PPME1: variants seen among roughly 807,000 people sequenced by gnomAD.
The protein encoded by PPME1 is testicular secretory protein Li 39.
A neutral mutation model predicts 56.9 loss-of-function variants in PPME1; 17 were observed. The ratio of observed to expected loss-of-function variants is 0.30; its 90% confidence interval spans 0.20 to 0.45. The LOEUF (loss-of-function observed/expected upper bound fraction) is 0.45. PPME1 is among the 20% of genes least tolerant of loss of function. The pLI, the probability that PPME1 is intolerant of heterozygous loss-of-function variation, is 1.00. For missense variants in PPME1, 357 were observed against 483.2 expected, an observed-to-expected ratio of 0.74 and a Z score of 2.45; for synonymous variants, 122 against 156.2, an observed-to-expected ratio of 0.78 and a Z score of 1.63.
At chr11:74,192,815 C>T (rs540982011) in intron 1 of PPME1, among the ~76,000 whole-genome samples, 2 of 152,300 alleles carry the variant, frequency 1.3e-5, no homozygotes, top group Admixed American at 6.5e-5. Context: ...TGATTATAAG[C>T]TTCCTGTGGC....
At chr11:74,231,364 A>G (rs1321609188) in intron 7 of PPME1, among the ~76,000 whole-genome samples, 2 of 152,180 alleles carry the variant, frequency 1.3e-5, no homozygotes, top group Admixed American at 6.5e-5. Flanking sequence ...TAGCCTCCCA[A>G]AGTGTTGGGG....
chr11:74,216,740 C>T (rs536438885), intron 3 of PPME1, among the ~76,000 whole-genome samples: 1 of 151,656 alleles, frequency 6.6e-6, no homozygotes, highest in East Asian at 1.9e-4. Context: ...TTTAGCTAGA[C>T]TAAGAAAAAA....
chr11:74,254,155 G>A lies in PPME1; in HGVS notation c.*645G>A, dbSNP rs1316279799. On this transcript the variant is annotated 3_prime_UTR_variant, in exon 14 of 14. Transcript: ENST00000328257. ...GGCCTCCCATCTGGGAGAGCCCACT[G>A]TCCCACTCCCACATGTCTGGGCACC... 6.5e-6 allele frequency: 1 copy of A among 153,412 alleles called. No homozygotes were observed. Among genetic ancestry groups the A allele is most frequent in the East Asian group, 1.9e-4 (1 of 5,198 alleles). 9.5% of individuals were successfully genotyped at this position (153,412 alleles called of 1,614,324 possible). A position where few individuals can be genotyped will look rare whatever the true frequency, so the allele number is the denominator to read the frequency against.
chr11:74,245,893 T>C (rs1714615709), intron 9 of PPME1, 183 bp from the exon 10 acceptor site: 2 of 509,242 alleles, frequency 3.9e-6, no homozygotes, highest in Non-Finnish European at 6.5e-6. Flanking sequence ...AAAATGAATA[T>C]TAACAGTGAC....
rs918505553 is a variant in PPME1, at chr11:74,254,371, C to T, written c.*861C>T. 1 of 152,824 alleles carries T rather than the reference C, an allele frequency of 6.5e-6. No individual in the cohort carries two copies. Among genetic ancestry groups the T allele is most frequent in the Non-Finnish European group, 1.5e-5 (1 of 68,116 alleles). 9.5% of individuals were successfully genotyped at this position (152,824 alleles called of 1,614,324 possible). On this transcript the variant is annotated 3_prime_UTR_variant, in exon 14 of 14. Coordinates refer to ENST00000328257, the MANE Select transcript of PPME1 (RefSeq NM_016147.3). ...GCAGTGCCCCCTTGCCTCTTCAAAC[C>T]TACAGCTTCTCTTTGCCATTTGTGG...
Position 74,235,895 on chromosome 11 carries a change from T to C in PPME1, c.645-6T>C, listed in dbSNP as rs1471821777. On this transcript the variant is annotated splice_region_variant and splice_polypyrimidine_tract_variant and intron_variant, in intron 7 of 13. Transcript: ENST00000328257. Reference sequence around the variant, plus strand: ...ACCTTCTCTCTTCCTTTCTTTTCTTTCCCAGTGTGAAGAGTGGCCAGATTC... The same window carrying C: ...ACCTTCTCTCTTCCTTTCTTTTCTTCCCCAGTGTGAAGAGTGGCCAGATTC... The C allele has an allele frequency of 3.1e-6, 5 of 1,609,550 alleles. No individual in the cohort carries two copies. The Admixed American group carries it at 6.7e-5, about 22-fold the overall frequency.
In PPME1 at chr11:74,175,858, C is replaced by A. The variant is rs114510970; in HGVS notation, c.101+4336C>A. Among the ~76,000 whole-genome samples, 779 of 152,272 alleles carry A rather than the reference C, an allele frequency of 5.1e-3. 5 individuals carry two copies. The highest frequency in any genetic ancestry group is 0.018 in the African/African-American group (745 of 41,554). ...ATTGACTTGCCTAAGATCACAGAAT[C>A]ATTATGTGGCAGGAACAACATTCAA... On this transcript the variant is annotated intron_variant, in intron 1 of 13. Coordinates refer to ENST00000328257, the MANE Select transcript of PPME1 (RefSeq NM_016147.3).
intron 3 of PPME1, among the ~76,000 whole-genome samples, chr11:74,204,678 A>G (rs572958684): frequency 6.6e-6 from 1 of 152,166 alleles, no homozygotes; most frequent in Non-Finnish European, 1.5e-5. Flanking sequence ...GTTAATTGGC[A>G]CTAGTAAAGG....
intron 1 of PPME1, among the ~76,000 whole-genome samples, chr11:74,182,520 T>C (rs1213558024): frequency 6.8e-6 from 1 of 146,396 alleles, no homozygotes; most frequent in Non-Finnish European, 1.6e-5. Flanking sequence ...CCACCACGCC[T>C]GGCTAATTTT....
chr11:74,213,279 CTT>C (rs1858529702), intron 3 of PPME1, among the ~76,000 whole-genome samples: 1 of 152,142 alleles, frequency 6.6e-6, no homozygotes, highest in South Asian at 2.1e-4. Context: ...GTAGGAAGGA[CTT>C]TGTCTTGTGA....
chr11:74,252,494 C>T, intron 13 of PPME1: 1 of 456,750 alleles, frequency 2.2e-6, no homozygotes, highest in Non-Finnish European at 4.4e-6. Flanking sequence ...GCTTGCTTCC[C>T]CTCCCTTTCC....
intron 1 of PPME1, among the ~76,000 whole-genome samples, chr11:74,194,589 A>G (rs567568400): frequency 3.7e-4 from 56 of 151,336 alleles, no homozygotes; most frequent in African/African-American, 1.3e-3. Context: ...ATAATTATAC[A>G]CTATGATTGT....
chr11:74,203,080 T>C (rs1289734723), intron 1 of PPME1, among the ~76,000 whole-genome samples: 1 of 152,314 alleles, frequency 6.6e-6, no homozygotes, highest in East Asian at 1.9e-4. Flanking sequence ...GGTCCCCTAT[T>C]GATGGATATT....
At chr11:74,238,854 A>G (rs1264126947) in intron 8 of PPME1, 12 of 252,894 alleles carry the variant, frequency 4.7e-5, no homozygotes. Flanking sequence ...TATGAAGATT[A>G]TATAAGATTA....
intron 4 of PPME1, among the ~76,000 whole-genome samples, chr11:74,224,732 T>G (rs1366652252): frequency 1.3e-5 from 2 of 150,430 alleles, no homozygotes; most frequent in Non-Finnish European, 2.9e-5. Context: ...CACTCATGAT[T>G]TGGTTCTCTG....
chr11:74,238,205 T>C (rs925341616), intron 8 of PPME1: 1 of 151,968 alleles, frequency 6.6e-6, no homozygotes, highest in Admixed American at 6.6e-5. Flanking sequence ...TACTGTATAC[T>C]ACATGTGAAA....
chr11:74,215,466 T>G (rs1858613215), intron 3 of PPME1, among the ~76,000 whole-genome samples: 1 of 152,170 alleles, frequency 6.6e-6, no homozygotes, highest in Non-Finnish European at 1.5e-5. Flanking sequence ...TTGTCACCAC[T>G]TTACAATAAT....
chr11:74,204,563 C>T (rs958025742), intron 3 of PPME1, 118 bp downstream of exon 3: 55 of 797,904 alleles, frequency 6.9e-5, no homozygotes, highest in Non-Finnish European at 1.1e-4. Flanking sequence ...CTATTCCAGG[C>T]ATACACACAG....
chr11:74,231,068 T>A, intron 7 of PPME1, 66 bp downstream of exon 7: 2 of 1,376,554 alleles, frequency 1.5e-6, no homozygotes, highest in Non-Finnish European at 2.0e-6. Context: ...GCTTATTTAT[T>A]TATTTAGGAG....
Sources: allele counts gnomAD v4.1 joint callset (sites outside exome capture counted in the v4.1 genomes callset), GRCh38; gene constraint gnomAD v4.1.1; transcripts MANE v1.5; gene names NCBI Gene and HGNC (gene_info 2026-07-23, HGNC 2026-07-21).